CDK19: variants seen among roughly 807,000 people sequenced by gnomAD.
The protein encoded by CDK19 is cyclin dependent kinase 19.
CDK19 carries 20 observed loss-of-function variants against 68.3 expected under a neutral mutation model. That is an observed-to-expected ratio of 0.29 (90% confidence interval 0.21 to 0.43). The LOEUF (loss-of-function observed/expected upper bound fraction) is 0.43, where lower values mean the gene tolerates loss of function less well. Among genes scored for constraint, CDK19 ranks in the 20% least tolerant of loss-of-function variants. The pLI, the probability that CDK19 is intolerant of heterozygous loss-of-function variation, is 1.00. For missense variants in CDK19, 339 were observed against 623.5 expected, an observed-to-expected ratio of 0.54 and a Z score of 4.86; for synonymous variants, 221 against 222.8, an observed-to-expected ratio of 0.99 and a Z score of 0.07.
At chr6:110,782,124 T>C (rs1278673860) in intron 1 of CDK19, among the ~76,000 whole-genome samples, 1 of 152,160 alleles carries the variant, frequency 6.6e-6, no homozygotes, top group African/African-American at 2.4e-5. Context: ...CCAAACAAAA[T>C]TGAATTCTTA....
At chr6:110,805,436 C>A (rs1424332938) in intron 1 of CDK19, among the ~76,000 whole-genome samples, 1 of 151,904 alleles carries the variant, frequency 6.6e-6, no homozygotes. Context: ...GCTTTAAAAT[C>A]TTCTATATTG....
At chr6:110,795,231 A>G (rs1159893467) in intron 1 of CDK19, among the ~76,000 whole-genome samples, 1 of 152,224 alleles carries the variant, frequency 6.6e-6, no homozygotes, top group Non-Finnish European at 1.5e-5. Context: ...TTGGCCTCCC[A>G]AAGTGCTGGG....
At chr6:110,701,434 T>C (rs1270539850) in intron 2 of CDK19, among the ~76,000 whole-genome samples, 6 of 147,184 alleles carry the variant, frequency 4.1e-5, no homozygotes, top group Non-Finnish European at 9.0e-5. Flanking sequence ...CGCCAGTAGT[T>C]ATAGCTACTT....
intron 12 of CDK19, among the ~76,000 whole-genome samples, chr6:110,619,784 A>G (rs754159372): frequency 6.6e-6 from 1 of 151,922 alleles, no homozygotes; most frequent in African/African-American, 2.4e-5. Flanking sequence ...AGGAGTCTGA[A>G]TTGAGTCCAG....
chr6:110,761,269 T>C (rs1383006331), intron 1 of CDK19, among the ~76,000 whole-genome samples: 2 of 152,140 alleles, frequency 1.3e-5, no homozygotes, highest in African/African-American at 4.8e-5. Flanking sequence ...ATTTTTGTAG[T>C]CTGAAGGTGT....
intron 2 of CDK19, among the ~76,000 whole-genome samples, chr6:110,687,867 G>A (rs1772621317): frequency 6.6e-6 from 1 of 152,210 alleles, no homozygotes; most frequent in African/African-American, 2.4e-5. Flanking sequence ...TGCACCTAAG[G>A]ACAACATTAA....
At chr6:110,735,375 A>G (rs902164383) in intron 2 of CDK19, among the ~76,000 whole-genome samples, 1 of 152,230 alleles carries the variant, frequency 6.6e-6, no homozygotes, top group Non-Finnish European at 1.5e-5. Flanking sequence ...TTGTTAAAGT[A>G]ACAATTTCAA....
At chr6:110,727,118 T>A (rs1776369637) in intron 2 of CDK19, among the ~76,000 whole-genome samples, 1 of 152,202 alleles carries the variant, frequency 6.6e-6, no homozygotes, top group South Asian at 2.1e-4. Context: ...TTAGGTTATA[T>A]AAGACCATTT....
rs377414776 is a variant in CDK19 at position 110,623,407 on chromosome 6, A to C, written c.861-45T>G. On this transcript the variant is annotated intron_variant, in intron 8 of 12. Coordinates refer to ENST00000368911, the MANE Select transcript of CDK19 (RefSeq NM_015076.5). The stretch of plus-strand genomic sequence containing the variant: ...CACACATCACTGGGAACACTCATCC[A>C]ATTGATATTTCTTAATGATAAGCTC... 160 of 1,587,358 alleles carry C rather than the reference A, an allele frequency of 1.0e-4. No homozygotes were observed. The African/African-American group carries it at 1.9e-3, about 18-fold the overall frequency.
rs76363428 is a variant in CDK19, at chr6:110,781,314, G to A, written c.128+33695C>T. Among the ~76,000 whole-genome samples, 3,278 of 152,056 alleles carry A rather than the reference G, an allele frequency of 0.022. 356 individuals carry two copies. In the East Asian group the frequency reaches 0.35, roughly 16 times the overall value. ...AGGAGGGATATCCCAGATTCTTTTTGAACAACCAGATCTCCCTGGGAACCG... is the reference window on the plus strand; with the variant it reads ...AGGAGGGATATCCCAGATTCTTTTTAAACAACCAGATCTCCCTGGGAACCG... On this transcript the variant is annotated intron_variant, in intron 1 of 12. Transcript: ENST00000368911.
intron 1 of CDK19, among the ~76,000 whole-genome samples, chr6:110,812,180 G>A (rs1225920170): frequency 1.3e-5 from 2 of 151,806 alleles, no homozygotes; most frequent in Non-Finnish European, 2.9e-5. Flanking sequence ...GAGTGCAGTG[G>A]CGGGATCTCG....
chr6:110,717,761 G>A (rs1015811980), intron 2 of CDK19, among the ~76,000 whole-genome samples: 20 of 152,142 alleles, frequency 1.3e-4, no homozygotes, highest in Non-Finnish European at 1.5e-5. Flanking sequence ...GAATGCAAGG[G>A]CACGATCTTG....
intron 1 of CDK19, among the ~76,000 whole-genome samples, chr6:110,800,690 A>G (rs1189332292): frequency 6.6e-6 from 1 of 152,190 alleles, no homozygotes; most frequent in Non-Finnish European, 1.5e-5. Flanking sequence ...ACAGAAATAA[A>G]AACAAAAACC....
intron 1 of CDK19, among the ~76,000 whole-genome samples, chr6:110,800,194 G>A (rs1055412940): frequency 6.6e-6 from 1 of 152,116 alleles, no homozygotes; most frequent in South Asian, 2.1e-4. Context: ...GAGTGGGAAA[G>A]GTGTATTACT....
intron 2 of CDK19, among the ~76,000 whole-genome samples, chr6:110,728,874 T>C (rs1183876786): frequency 6.6e-6 from 1 of 152,228 alleles, no homozygotes. Flanking sequence ...TAAAGTTAGA[T>C]AATCTTTCTC....
chr6:110,648,275 G>C (rs923209083), intron 4 of CDK19, among the ~76,000 whole-genome samples: 1 of 152,130 alleles, frequency 6.6e-6, no homozygotes, highest in South Asian at 2.1e-4. Flanking sequence ...ATTTGCAGAT[G>C]CTATAATTAT....
intron 2 of CDK19, among the ~76,000 whole-genome samples, chr6:110,688,428 C>T (rs147072782): frequency 5.5e-4 from 83 of 152,020 alleles, no homozygotes; most frequent in African/African-American, 1.9e-3. Flanking sequence ...CTAGGAAAGA[C>T]AAAATAGTGT....
chr6:110,814,508 G>A (rs1783412573), intron 1 of CDK19: 5 of 437,482 alleles, frequency 1.1e-5, no homozygotes, highest in South Asian at 6.6e-5. Flanking sequence ...GGTCAGAGCC[G>A]TGGGGCTGGC....
intron 2 of CDK19, among the ~76,000 whole-genome samples, chr6:110,723,069 C>CT (rs1195081884): frequency 7.0e-6 from 1 of 143,392 alleles, no homozygotes; most frequent in Admixed American, 7.5e-5. Flanking sequence ...CCTCCTCTGT[C>CT]TGAGTGTGCA....
Sources: allele counts gnomAD v4.1 joint callset (sites outside exome capture counted in the v4.1 genomes callset), GRCh38; gene constraint gnomAD v4.1.1; transcripts MANE v1.5; gene names NCBI Gene and HGNC (gene_info 2026-07-23, HGNC 2026-07-21).